CYP2C18: variants seen among roughly 807,000 people sequenced by gnomAD.
CYP2C18 encodes cytochrome P450 family 2 subfamily C member 18, also known as cytochrome P450 2C18.
A neutral mutation model predicts 41.3 loss-of-function variants in CYP2C18; 38 were observed. The observed-to-expected ratio is 0.92, with a 90% CI of 0.71 to 1.21. The LOEUF is 1.21. CYP2C18 is among the 50% of genes most tolerant of loss of function. CYP2C18 has a pLI of 0.00. For missense variants in CYP2C18, 635 were observed against 591.4 expected, an observed-to-expected ratio of 1.07 and a Z score of -0.77; for synonymous variants, 236 against 210.0, an observed-to-expected ratio of 1.12 and a Z score of -1.07.
At chr10:94,697,967 C>T (rs1004982261) in intron 4 of CYP2C18, among the ~76,000 whole-genome samples, 11 of 152,140 alleles carry the variant, frequency 7.2e-5, no homozygotes, top group Non-Finnish European at 1.6e-4. Flanking sequence ...ACAGGAGCAT[C>T]CAGATTCATA....
In CYP2C18 at chr10:94,724,429, G is replaced by C. The variant is rs1243906358; in HGVS notation, c.1045G>C (p.Asp349His). The C allele has an allele frequency of 7.4e-6, 12 of 1,613,496 alleles. No homozygotes were observed. The highest frequency in any genetic ancestry group is 3.3e-4 in the Middle Eastern group (2 of 6,082). The change falls in exon 7 of 9, where the codon GAT (aspartate) becomes CAT (histidine). Residue 349 changes from aspartate (D) to histidine (H), a missense_variant. By Grantham distance (81) the Asp-to-His change is moderately conservative. Transcript: ENST00000285979. ...MQDRSHMPYT[D>H]AVVHEIQRYI... ...GGACAGGAGTCACATGCCCTACACA[G>C]ATGCTGTGGTGCACGAGATCCAGAG...
intron 7 of CYP2C18, 118 bp downstream of exon 7, chr10:94,724,651 G>C: frequency 1.0e-6 from 1 of 991,478 alleles, no homozygotes; most frequent in South Asian, 1.5e-5. Context: ...ACGTGGGGCA[G>C]CTTTCTGGAC....
In CYP2C18 at chr10:94,688,264, A is replaced by C; in HGVS notation, c.471A>C (p.Arg157Ser). Residue 157 changes from arginine to serine, a missense_variant, in exon 3 of 9, where the codon AGA (arginine) becomes AGC (serine). Arg to Ser is a moderately radical substitution (Grantham distance 110, BLOSUM62 -1). Transcript: ENST00000285979. Reference protein sequence around the residue: ...EEARCLVEELRKTNASPCDPT... With the variant: ...EEARCLVEELSKTNASPCDPT... ...CCCGCTGCCTTGTGGAGGAGTTGAG[A>C]AAAACCAATGGTGGGTGACTTTTTT... The C allele has an allele frequency of 6.2e-7, 1 of 1,609,582 alleles. No homozygotes were observed. The highest frequency in any genetic ancestry group is 1.1e-5 in the South Asian group (1 of 89,478).
chr10:94,687,774 C>T lies in CYP2C18; in HGVS notation c.173C>T (p.Ser58Leu). The change falls in exon 2 of 9, where the codon TCA becomes TTA. Residue 58 changes from serine (S) to leucine (L), a missense_variant. Physicochemically the swap from Ser to Leu is moderately radical, Grantham distance 145. Coordinates refer to ENST00000285979, the MANE Select transcript of CYP2C18 (RefSeq NM_000772.3). ...AACCTCCTTTTCTATGTTTAGTTCT[C>T]AAAAGTCTATGGCCCTGTGTTCACT... Reference protein sequence around the residue: ...KDMSKSLTNFSKVYGPVFTVY... With the variant: ...KDMSKSLTNFLKVYGPVFTVY... The T allele has an allele frequency of 6.2e-7, 1 of 1,610,972 alleles. No homozygotes were observed. The highest frequency in any genetic ancestry group is 8.5e-7 in the Non-Finnish European group (1 of 1,178,822).
chr10:94,704,152 A>G (rs1374674207), intron 4 of CYP2C18, among the ~76,000 whole-genome samples: 1 of 152,150 alleles, frequency 6.6e-6, no homozygotes, highest in East Asian at 1.9e-4. Context: ...GTTGGGAACC[A>G]CAGACTGGAG....
chr10:94,693,374 G>T (rs926012615), intron 3 of CYP2C18, among the ~76,000 whole-genome samples: 5 of 152,020 alleles, frequency 3.3e-5, no homozygotes, highest in African/African-American at 1.2e-4. Context: ...CTCCTGTTTT[G>T]CCTTCTGCCG....
intron 3 of CYP2C18, among the ~76,000 whole-genome samples, chr10:94,691,178 T>G (rs1846992230): frequency 6.6e-6 from 1 of 152,134 alleles, no homozygotes; most frequent in South Asian, 2.1e-4. Context: ...GACAGGGCAA[T>G]CAGGCAGGAG....
In CYP2C18 at chr10:94,727,379, C is replaced by T. The variant is rs545783561; in HGVS notation, c.1149+2846C>T. Among the ~76,000 whole-genome samples, 5 of 152,126 alleles carry T rather than the reference C, an allele frequency of 3.3e-5. No individual in the cohort carries two copies. The South Asian group carries it at 8.3e-4, about 25-fold the overall frequency. ...TTTGTAATCCCAGCTCTTTGGGAGGCCAAAGTGGAAGGATCATTTGCACCC... is the reference window on the plus strand; with the variant it reads ...TTTGTAATCCCAGCTCTTTGGGAGGTCAAAGTGGAAGGATCATTTGCACCC... On this transcript the variant is annotated intron_variant, in intron 7 of 8. Coordinates refer to ENST00000285979, the MANE Select transcript of CYP2C18 (RefSeq NM_000772.3).
At chr10:94,712,008 ATTTTTT>A (rs35672164) in intron 5 of CYP2C18, among the ~76,000 whole-genome samples, 9 of 97,870 alleles carry the variant, frequency 9.2e-5, no homozygotes, top group Admixed American at 4.3e-4. Context: ...TGCCCAACTA[ATTTTTT>A]TTTTTTTTTT....
intron 6 of CYP2C18, among the ~76,000 whole-genome samples, chr10:94,723,171 A>T (rs922681436): frequency 2.0e-5 from 3 of 152,146 alleles, no homozygotes. Context: ...TTTGGCAAAA[A>T]ATTTTTGCCC....
At chr10:94,688,465 G>A (rs1182354629) in intron 3 of CYP2C18, among the ~76,000 whole-genome samples, 191 bp downstream of exon 3, 1 of 152,066 alleles carries the variant, frequency 6.6e-6, no homozygotes, top group Non-Finnish European at 1.5e-5. Flanking sequence ...TCTATATTTT[G>A]AGAACAGACC....
At chr10:94,687,515 T>C (rs1479593165) in intron 1 of CYP2C18, among the ~76,000 whole-genome samples, 1 of 152,188 alleles carries the variant, frequency 6.6e-6, no homozygotes, top group Non-Finnish European at 1.5e-5. Flanking sequence ...ATCTGTAAAA[T>C]AGAGTAAACA....
chr10:94,695,360 T>C lies in CYP2C18; in HGVS notation c.642+283T>C, dbSNP rs1847096621. ...CCCTGTGCCCATGTGTTCTCATTGT[T>C]CACCTCCCACTTAAGAGTGAAAACA... On this transcript the variant is annotated intron_variant, in intron 4 of 8. Coordinates refer to ENST00000285979, the MANE Select transcript of CYP2C18 (RefSeq NM_000772.3). Among the ~76,000 whole-genome samples, 3 of 152,134 alleles carry C rather than the reference T, an allele frequency of 2.0e-5. 1 individual carries two copies. The South Asian group carries it at 6.2e-4, about 32-fold the overall frequency.
At chr10:94,717,554 T>A (rs1262730867) in intron 5 of CYP2C18, among the ~76,000 whole-genome samples, 1 of 152,114 alleles carries the variant, frequency 6.6e-6, no homozygotes, top group African/African-American at 2.4e-5. Flanking sequence ...TGTCCTGTAG[T>A]TTTTCCTCAA....
intron 4 of CYP2C18, among the ~76,000 whole-genome samples, chr10:94,699,417 C>A (rs535637120): frequency 1.3e-5 from 2 of 152,240 alleles, no homozygotes; most frequent in South Asian, 4.1e-4. Context: ...AGGCCTTTGA[C>A]AAAATTCAAC....
intron 3 of CYP2C18, 24 bp downstream of exon 3, chr10:94,688,298 A>T (rs1846933504): frequency 6.3e-7 from 1 of 1,577,832 alleles, no homozygotes; most frequent in African/African-American, 1.4e-5. Context: ...TTTTTTCCTG[A>T]AAAATGTTTT....
intron 6 of CYP2C18, among the ~76,000 whole-genome samples, chr10:94,721,038 G>A (rs2134202876): frequency 6.6e-6 from 1 of 151,678 alleles, no homozygotes; most frequent in South Asian, 2.1e-4. Flanking sequence ...TTTTGAGACA[G>A]AGTCTCACTG....
intron 4 of CYP2C18, among the ~76,000 whole-genome samples, chr10:94,698,084 T>G (rs1236756440): frequency 6.6e-6 from 1 of 151,962 alleles, no homozygotes; most frequent in Non-Finnish European, 1.5e-5. Context: ...AGACAGAAGG[T>G]TAACAAGGAT....
chr10:94,718,937 G>C (rs1847602602), intron 5 of CYP2C18, among the ~76,000 whole-genome samples: 1 of 152,216 alleles, frequency 6.6e-6, no homozygotes, highest in African/African-American at 2.4e-5. Flanking sequence ...TCAATTGTAT[G>C]GTGTAGTGCC....
Sources: gnomAD v4.1 joint callset for allele counts (sites outside exome capture counted in the v4.1 genomes callset) on GRCh38, gnomAD v4.1.1 for gene constraint, MANE v1.5 for transcripts, NCBI Gene and HGNC (gene_info 2026-07-23, HGNC 2026-07-21) for gene names.